The following ATXN8OS variants were observed in gnomAD, a reference collection of about 807,000 sequenced individuals.
ATXN8OS encodes ATXN8 opposite strand lncRNA, also known as ATXN8 opposite strand (non-protein coding).
In ATXN8OS at chr13:70,159,307, C is replaced by T. The variant is rs186655794; in HGVS notation, n.574-10446C>T. On this transcript the variant is annotated intron_variant and non_coding_transcript_variant, in intron 4 of 4. Transcript: ENST00000678624. ...TACAAAATCATGCTTTTTGTAGATGCTTTTTTATTATTGCTAGTGAGCAAT... is the reference window on the plus strand; with the variant it reads ...TACAAAATCATGCTTTTTGTAGATGTTTTTTTATTATTGCTAGTGAGCAAT... 4.4e-3 allele frequency among the ~76,000 whole-genome samples: 673 copies of T among 151,718 alleles called. 5 individuals are homozygous for T. The highest frequency in any genetic ancestry group is 0.021 in the Middle Eastern group (6 of 292).
At chr13:70,160,686 C>T (rs1593777662) in intron 4 of ATXN8OS, among the ~76,000 whole-genome samples, 1 of 14,298 alleles carries the variant, frequency 7.0e-5, no homozygotes, top group African/African-American at 1.2e-4. Flanking sequence ...ATGCCCCAGA[C>T]AGCTGATTTA....
chr13:70,123,219 A>G (rs1038641858), intron 2 of ATXN8OS, among the ~76,000 whole-genome samples: 17 of 152,094 alleles, frequency 1.1e-4, no homozygotes, highest in Non-Finnish European at 1.5e-5. Context: ...GAAATAATTT[A>G]CTGATGCCCA....
At chr13:70,122,498 A>T (rs1298097981) in intron 2 of ATXN8OS, among the ~76,000 whole-genome samples, 1 of 151,570 alleles carries the variant, frequency 6.6e-6, no homozygotes, top group East Asian at 1.9e-4. Flanking sequence ...TGTCCTTCTT[A>T]GAGAGAGATC....
intron 2 of ATXN8OS, among the ~76,000 whole-genome samples, chr13:70,121,180 A>G (rs1334458049): frequency 6.6e-6 from 1 of 152,114 alleles, no homozygotes; most frequent in Non-Finnish European, 1.5e-5. Flanking sequence ...GAGAATAAAT[A>G]AATGGAATCT....
At chr13:70,154,402 C>G (rs549052450) in intron 4 of ATXN8OS, among the ~76,000 whole-genome samples, 16 of 152,292 alleles carry the variant, frequency 1.1e-4, no homozygotes, top group African/African-American at 2.9e-4. Context: ...TTCTTTCCTT[C>G]TCTGTCTACC....
chr13:70,162,242 G>T (rs1022013828), intron 4 of ATXN8OS, among the ~76,000 whole-genome samples: 2 of 151,978 alleles, frequency 1.3e-5, no homozygotes, highest in African/African-American at 4.8e-5. Context: ...TGAAACTAAA[G>T]ACAGTTAAAA....
intron 2 of ATXN8OS, among the ~76,000 whole-genome samples, chr13:70,119,068 TGGACAG>T (rs1431212224): frequency 6.6e-6 from 1 of 152,064 alleles, no homozygotes; most frequent in Admixed American, 6.6e-5. Context: ...TGCAGTCAAG[TGGACAG>T]GGACATATCT....
chr13:70,141,610 G>T (rs1045778034), intron 3 of ATXN8OS, among the ~76,000 whole-genome samples: 1 of 152,064 alleles, frequency 6.6e-6, no homozygotes, highest in African/African-American at 2.4e-5. Context: ...ATACATATGT[G>T]TGTGTGTACG....
At chr13:70,159,694 C>T (rs904112329) in intron 4 of ATXN8OS, among the ~76,000 whole-genome samples, 1 of 152,120 alleles carries the variant, frequency 6.6e-6, no homozygotes, top group Non-Finnish European at 1.5e-5. Flanking sequence ...TTTGTTGTAG[C>T]CAAAACTTTG....
chr13:70,159,677 C>T (rs79749788), intron 4 of ATXN8OS, among the ~76,000 whole-genome samples: 8,783 of 152,216 alleles, frequency 0.058, 360 homozygotes, highest in Non-Finnish European at 0.085. Flanking sequence ...TATTCCATGG[C>T]GCTGTCTTTG....
At chr13:70,165,239 T>C (rs141510337) in intron 4 of ATXN8OS, among the ~76,000 whole-genome samples, 18 of 151,216 alleles carry the variant, frequency 1.2e-4, no homozygotes, top group African/African-American at 4.4e-4. Context: ...CATAGAAGAG[T>C]AACAAAAAAA....
intron 2 of ATXN8OS, among the ~76,000 whole-genome samples, chr13:70,121,523 ATT>A (rs920889014): frequency 6.6e-6 from 1 of 151,892 alleles, no homozygotes; most frequent in South Asian, 2.1e-4. Context: ...ATCCGGAAAT[ATT>A]TTTTTTCTCC....
intron 3 of ATXN8OS, chr13:70,139,190 T>C (rs896467392): frequency 1.7e-5 from 7 of 421,966 alleles, no homozygotes. Context: ...AGACATTCTA[T>C]AGTCTGTGTC....
intron 3 of ATXN8OS, chr13:70,130,811 C>T: frequency 2.5e-6 from 1 of 398,298 alleles, no homozygotes; most frequent in Non-Finnish European, 4.4e-6. Flanking sequence ...GAACTGGGAC[C>T]CCAATGACCA....
In ATXN8OS at chr13:70,133,100, C is replaced by A. The variant is rs943385821; in HGVS notation, n.499+3216C>A. Among the ~76,000 whole-genome samples the A allele has an allele frequency of 3.3e-5, 5 of 152,084 alleles. No homozygotes were observed. In the East Asian group the frequency reaches 9.7e-4, roughly 29 times the overall value. On this transcript the variant is annotated intron_variant and non_coding_transcript_variant, in intron 3 of 4. Coordinates refer to ENST00000678624, the Ensembl canonical transcript of ATXN8OS. ...TAGAGCTAGGAGAGGCAGTTTATGG[C>A]TGTATCAGAAATAGGATGAAGGTGC...
chr13:70,128,005 ATATT>A (rs1426191512), intron 2 of ATXN8OS, among the ~76,000 whole-genome samples: 1 of 151,962 alleles, frequency 6.6e-6, no homozygotes, highest in Non-Finnish European at 1.5e-5. Flanking sequence ...ATGTTGTTAC[ATATT>A]TATTTTACTA....
At chr13:70,129,688 GAATT>G (rs1237454754) in intron 2 of ATXN8OS, 1 of 396,906 alleles carries the variant, frequency 2.5e-6, no homozygotes, top group African/African-American at 2.1e-5. Flanking sequence ...CTTATAAGTA[GAATT>G]ACTTCAACCA....
intron 3 of ATXN8OS, among the ~76,000 whole-genome samples, chr13:70,137,400 C>T (rs778228522): frequency 1.5e-4 from 23 of 152,060 alleles, no homozygotes; most frequent in Admixed American, 6.6e-5. Flanking sequence ...ATTTCTATGC[C>T]ATGGTGATAT....
At chr13:70,115,381 C>T (rs1159859784) in intron 2 of ATXN8OS, 1 of 396,708 alleles carries the variant, frequency 2.5e-6, no homozygotes, top group Non-Finnish European at 4.4e-6. Context: ...GGCTCACTTC[C>T]CAACACTGTG....
Sources: allele counts gnomAD v4.1 joint callset (sites outside exome capture counted in the v4.1 genomes callset), GRCh38; gene constraint gnomAD v4.1.1; transcripts MANE v1.5; gene names NCBI Gene and HGNC (gene_info 2026-07-23, HGNC 2026-07-21).